The following PCK2 variants were observed in gnomAD, a reference collection of about 807,000 sequenced individuals.
The protein encoded by PCK2 is phosphoenolpyruvate carboxykinase [GTP], mitochondrial.
A neutral mutation model predicts 65.9 loss-of-function variants in PCK2; 56 were observed. The observed-to-expected ratio is 0.85, with a 90% CI of 0.69 to 1.06. PCK2 has a LOEUF of 1.06. Among genes scored for constraint, PCK2 ranks in the 50% least tolerant of loss-of-function variants. The probability of loss-of-function intolerance (pLI) is 0.00; values close to 1 mark genes in which losing one functional copy is unlikely to be tolerated. For synonymous variants in PCK2, 305 were observed against 319.6 expected, an observed-to-expected ratio of 0.95 and a Z score of 0.49; for missense variants, 843 against 863.1, an observed-to-expected ratio of 0.98 and a Z score of 0.29.
At position 24,094,859 on chromosome 14, in the gene PCK2, G is replaced by T; in HGVS notation, c.29+425G>T. 7 of 1,304,390 alleles carry T rather than the reference G, an allele frequency of 5.4e-6. No homozygotes were observed. Among genetic ancestry groups the T allele is most frequent in the Non-Finnish European group, 7.0e-6 (7 of 998,298 alleles). The allele number at this position is 1,304,390 out of a possible 1,614,324, so 80.8% of individuals were successfully genotyped here. A position where few individuals can be genotyped will look rare whatever the true frequency, so the allele number is the denominator to read the frequency against. ...CTGGGGACAAGGGTACGTGAGCCCC[G>T]GGAGACTAAGCTCAGAGCCCCCTAA... On this transcript the variant is annotated intron_variant, in intron 1 of 9. Coordinates refer to ENST00000216780, the MANE Select transcript of PCK2 (RefSeq NM_004563.4). This position sits in a 1 kb window ranked among gnomAD's most constrained non-coding sequence, Gnocchi z 4.1.
Position 24,102,851 on chromosome 14 carries a change from C to G in PCK2, c.1333C>G (p.Pro445Ala). The change falls in exon 8 of 10, where the codon CCC (proline) becomes GCC (alanine). Residue 445 changes from proline to alanine, a missense_variant. Physicochemically the swap from Pro to Ala is conservative, Grantham distance 27 (BLOSUM62 -1). Transcript: ENST00000216780. ...DPAWEAPEGV[P>A]IDAIIFGGRR... The stretch of plus-strand genomic sequence containing the variant: ...AGCCTGGGAGGCCCCAGAGGGTGTC[C>G]CCATTGACGCCATCATCTTTGGTGG... The G allele has an allele frequency of 6.2e-7, 1 of 1,613,910 alleles. No homozygotes were observed. The highest frequency in any genetic ancestry group is 8.5e-7 in the Non-Finnish European group (1 of 1,179,898).
chr14:24,098,019 G>A lies in PCK2; in HGVS notation c.276-184G>A, dbSNP rs539251101. ...TGCCAGGGGCAGAGACCCCCAGAGG[G>A]CTGGGACCTTGGGGAACACCCCTTA... On this transcript the variant is annotated intron_variant, in intron 2 of 9. Transcript: ENST00000216780. Among the ~76,000 whole-genome samples the A allele has an allele frequency of 8.5e-5, 13 of 152,218 alleles. No individual in the cohort carries two copies. The South Asian group carries it at 2.5e-3, about 29-fold the overall frequency.
In PCK2 at chr14:24,103,782, G is replaced by GC. The variant is rs781142340; in HGVS notation, c.1743dup (p.Asp583GlyfsTer27). 6.2e-7 allele frequency: 1 copy of GC among 1,614,178 alleles called. No individual in the cohort carries two copies. The highest frequency in any genetic ancestry group is 1.3e-5 in the African/African-American group (1 of 75,024). Reference sequence around the variant, plus strand: ...CATTGGGCTGGTGCCAAAGGAAGGAGCCTTGGATCTCAGCGGCCTCAGAGC... The same window carrying GC: ...CATTGGGCTGGTGCCAAAGGAAGGAGCCCTTGGATCTCAGCGGCCTCAGAGC... On this transcript the variant is annotated frameshift_variant, in exon 10 of 10. Coordinates refer to ENST00000216780, the MANE Select transcript of PCK2 (RefSeq NM_004563.4). LOFTEE classifies it high-confidence loss of function.
At chr14:24,095,366 G>C in intron 1 of PCK2, 1 of 401,700 alleles carries the variant, frequency 2.5e-6, no homozygotes, top group Non-Finnish European at 5.1e-6. Context: ...CTCTGAGGCA[G>C]GAACAGACCC....
Position 24,103,873 on chromosome 14 carries a change from G to A in PCK2, c.1832G>A (p.Arg611Gln), listed in dbSNP as rs1013896034. The A allele has an allele frequency of 1.5e-5, 24 of 1,614,128 alleles. No individual in the cohort carries two copies. Among genetic ancestry groups the A allele is most frequent in the East Asian group, 6.7e-5 (3 of 44,880 alleles). ...DFWEQEVRDI[R>Q]SYLTEQVNQD... ...TGGGAACAGGAGGTTCGTGACATTC[G>A]GAGCTACCTGACAGAGCAGGTCAAC... The change falls in exon 10 of 10, where the codon CGG becomes CAG. Residue 611 changes from arginine to glutamine, a missense_variant. By Grantham distance (43) the Arg-to-Gln change is conservative. Coordinates refer to ENST00000216780, the MANE Select transcript of PCK2 (RefSeq NM_004563.4).
chr14:24,102,192 C>T (rs954189449), intron 7 of PCK2, among the ~76,000 whole-genome samples: 5 of 152,190 alleles, frequency 3.3e-5, no homozygotes, highest in African/African-American at 1.2e-4. Context: ...TGCACCACTG[C>T]ACTACAGCCT....
chr14:24,098,425 G>T, intron 3 of PCK2, 38 bp downstream of exon 3: 1 of 1,612,518 alleles, frequency 6.2e-7, no homozygotes, highest in Non-Finnish European at 8.5e-7. Flanking sequence ...GGGCACGGAA[G>T]ATGTGAACAG....
In PCK2 at chr14:24,103,743, G is replaced by T. The variant is rs1369042648; in HGVS notation, c.1702G>T (p.Ala568Ser). Reference protein sequence around the residue: ...ICRRLEGEDSARETPIGLVPK... With the variant: ...ICRRLEGEDSSRETPIGLVPK... ...CCGGCGGTTAGAGGGGGAGGACAGT[G>T]CCCGAGAGACACCCATTGGGCTGGT... Residue 568 changes from alanine to serine, a missense_variant, in exon 10 of 10, where the codon GCC becomes TCC. Ala to Ser is a moderately conservative substitution (Grantham distance 99, BLOSUM62 1). Coordinates refer to ENST00000216780, the MANE Select transcript of PCK2 (RefSeq NM_004563.4). The T allele has an allele frequency of 1.2e-6, 2 of 1,614,182 alleles. No homozygotes were observed. Among genetic ancestry groups the T allele is most frequent in the Admixed American group, 3.3e-5 (2 of 60,024 alleles).
intron 7 of PCK2, 150 bp downstream of exon 7, chr14:24,100,363 C>T: frequency 1.4e-6 from 2 of 1,451,978 alleles, no homozygotes; most frequent in Middle Eastern, 1.9e-4. Flanking sequence ...CAGGCAAAAT[C>T]TCAGTTCATG....
chr14:24,094,614 G>A lies in PCK2; in HGVS notation c.29+180G>A, dbSNP rs764027626. On this transcript the variant is annotated intron_variant, in intron 1 of 9. Coordinates refer to ENST00000216780, the MANE Select transcript of PCK2 (RefSeq NM_004563.4). This position sits in a 1 kb window ranked among gnomAD's most constrained non-coding sequence, Gnocchi z 4.1. The stretch of plus-strand genomic sequence containing the variant: ...CCGCGCGTCTCTTGGGAGGGCAGCC[G>A]GCCGGTGCTCCTCGTTTCCGCCTGC... The A allele has an allele frequency of 1.3e-4, 195 of 1,464,046 alleles. No individual in the cohort carries two copies. Among genetic ancestry groups the A allele is most frequent in the Non-Finnish European group, 1.7e-4 (189 of 1,108,812 alleles). 90.7% of individuals were successfully genotyped at this position (1,464,046 alleles called of 1,614,324 possible).
At chr14:24,095,715 C>A (rs2036843199) in intron 1 of PCK2, among the ~76,000 whole-genome samples, 1 of 152,208 alleles carries the variant, frequency 6.6e-6, no homozygotes. Flanking sequence ...TCTTTGCTCT[C>A]TCGGGTTTAC....
At chr14:24,101,644 A>G (rs1411836261) in intron 7 of PCK2, among the ~76,000 whole-genome samples, 1 of 152,218 alleles carries the variant, frequency 6.6e-6, no homozygotes, top group African/African-American at 2.4e-5. Context: ...AATTCCTTGC[A>G]GGGCACAGTG....
rs2037271935 is a variant in PCK2, at chr14:24,103,821, C to T, written c.1780C>T (p.Gln594Ter). The change falls in exon 10 of 10, where the codon CAG (glutamine) becomes TAG (stop). Residue 594 changes from glutamine to a stop codon, truncating the protein, a stop_gained. Coordinates refer to ENST00000216780, the MANE Select transcript of PCK2 (RefSeq NM_004563.4). LOFTEE classifies it high-confidence loss of function. ...LSGLRAIDTTQLFSLPKDFWE... is the reference protein window; with the variant it reads ...LSGLRAIDTT ...CGGCCTCAGAGCTATAGACACCACTCAGCTGTTCTCCCTCCCCAAGGACTT... is the reference window on the plus strand; with the variant it reads ...CGGCCTCAGAGCTATAGACACCACTTAGCTGTTCTCCCTCCCCAAGGACTT... 1.9e-6 allele frequency: 3 copies of T among 1,614,142 alleles called. No individual in the cohort carries two copies. Among genetic ancestry groups the T allele is most frequent in the South Asian group, 1.1e-5 (1 of 91,086 alleles).
chr14:24,103,338 G>T (rs2037243106), intron 9 of PCK2, 83 bp downstream of exon 9: 4 of 1,248,988 alleles, frequency 3.2e-6, no homozygotes, highest in Non-Finnish European at 4.6e-6. Context: ...CCTTCCTTTT[G>T]TCCACCCCTG....
In PCK2 at chr14:24,097,012, C is replaced by T. The variant is rs754970464; in HGVS notation, c.150C>T (p.His50=). 7.4e-5 allele frequency: 119 copies of T among 1,613,660 alleles called. No homozygotes were observed. The South Asian group carries it at 7.6e-4, about 10-fold the overall frequency. Residue 50 remains histidine (H), a synonymous_variant, in exon 2 of 10, where the codon CAC becomes CAT. Transcript: ENST00000216780. The part of the protein sequence containing the change: ...LPTGIRDFVE[H]SARLCQPEGI... ...CTGGCATTCGAGATTTTGTAGAGCACAGTGCCCGCCTGTGCCAACCAGAGG... is the reference window on the plus strand; with the variant it reads ...CTGGCATTCGAGATTTTGTAGAGCATAGTGCCCGCCTGTGCCAACCAGAGG...
At chr14:24,095,400 T>C in intron 1 of PCK2, 1 of 373,456 alleles carries the variant, frequency 2.7e-6, no homozygotes, top group Non-Finnish European at 5.4e-6. Context: ...CCTCCTCCCC[T>C]GCCCCTGGGG....
rs1182951097 is a variant in PCK2 at position 24,103,900 on chromosome 14, A to G, written c.1859A>G (p.Gln620Arg). 1.2e-6 allele frequency: 2 copies of G among 1,614,180 alleles called. No homozygotes were observed. The highest frequency in any genetic ancestry group is 3.3e-5 in the Admixed American group (2 of 60,022). ...IRSYLTEQVN[Q>R]DLPKEVLAEL... ...AGCTACCTGACAGAGCAGGTCAACC[A>G]GGATCTGCCCAAAGAGGTGTTGGCT... The change falls in exon 10 of 10, where the codon CAG becomes CGG. Residue 620 changes from glutamine to arginine, a missense_variant. Physicochemically the swap from Gln to Arg is conservative, Grantham distance 43. Transcript: ENST00000216780.
chr14:24,103,499 T>G lies in PCK2; in HGVS notation c.1469-11T>G. ...AAGGAAGATTCCTTACCCATCTTGCTTCCCCCCCAGGGAAGATCATCATGC... is the reference window on the plus strand; with the variant it reads ...AAGGAAGATTCCTTACCCATCTTGCGTCCCCCCCAGGGAAGATCATCATGC... On this transcript the variant is annotated splice_polypyrimidine_tract_variant and intron_variant, in intron 9 of 9. Coordinates refer to ENST00000216780, the MANE Select transcript of PCK2 (RefSeq NM_004563.4). 1 of 1,535,118 alleles carries G rather than the reference T, an allele frequency of 6.5e-7. No homozygotes were observed. Among genetic ancestry groups the G allele is most frequent in the East Asian group, 2.3e-5 (1 of 44,204 alleles).
chr14:24,094,531 G>T lies in PCK2; in HGVS notation c.29+97G>T. ...CTCTCCTGCTCTCAGCCTCCGCCAG[G>T]TTTCCCATCCTAGGCGGAGGCGGGC... On this transcript the variant is annotated intron_variant, in intron 1 of 9. Transcript: ENST00000216780. This position sits in a 1 kb window ranked among gnomAD's most constrained non-coding sequence, Gnocchi z 4.1. 6.9e-7 allele frequency: 1 copy of T among 1,444,560 alleles called. No homozygotes were observed. Among genetic ancestry groups the T allele is most frequent in the Non-Finnish European group, 9.1e-7 (1 of 1,104,004 alleles). 89.5% of individuals were successfully genotyped at this position (1,444,560 alleles called of 1,614,324 possible). A position where few individuals can be genotyped will look rare whatever the true frequency, so the allele number is the denominator to read the frequency against.
Sources: allele counts gnomAD v4.1 joint callset (sites outside exome capture counted in the v4.1 genomes callset), GRCh38; gene constraint gnomAD v4.1.1; non-coding constraint Gnocchi (gnomAD v3.1); transcripts MANE v1.5; gene names NCBI Gene and HGNC (gene_info 2026-07-23, HGNC 2026-07-21).